The following ZNF112 variants were observed in gnomAD, a reference collection of about 807,000 sequenced individuals.
ZNF112 encodes zinc finger protein 112 (Y14).
In ZNF112, 37 loss-of-function variants were observed where a neutral mutation model predicts 77.7. That is an observed-to-expected ratio of 0.48 (90% confidence interval 0.37 to 0.63). The LOEUF (loss-of-function observed/expected upper bound fraction) is 0.63. Among genes scored for constraint, ZNF112 ranks in the 20% least tolerant of loss-of-function variants. The pLI is 0.00. For missense variants in ZNF112, 950 were observed against 1,077.4 expected, an observed-to-expected ratio of 0.88 and a Z score of 1.66; for synonymous variants, 333 against 363.6, an observed-to-expected ratio of 0.92 and a Z score of 0.96.
chr19:44,337,414 A>ATAATATATATTATATATATTTAATATAT (rs1455625918), intron 2 of ZNF112, among the ~76,000 whole-genome samples: 1 of 27,548 alleles, frequency 3.6e-5, no homozygotes, highest in African/African-American at 1.2e-4. Flanking sequence ...TTTTATATAT[A>ATAATATATATTATATATATTTAATATAT]ATAATATATA....
At chr19:44,333,033 T>C (rs577312456) in intron 3 of ZNF112, among the ~76,000 whole-genome samples, 1 of 152,324 alleles carries the variant, frequency 6.6e-6, no homozygotes, top group South Asian at 2.1e-4. Context: ...ATGGAGAAAC[T>C]AAGCATGACA....
chr19:44,361,274 T>C (rs771290601), upstream of ZNF112, among the ~76,000 whole-genome samples: 1 of 152,174 alleles, frequency 6.6e-6, no homozygotes, highest in Non-Finnish European at 1.5e-5. Flanking sequence ...GTGGGGTGTT[T>C]GCAATTCTAC....
At chr19:44,347,140 G>A (rs1015023227) in intron 1 of ZNF112, among the ~76,000 whole-genome samples, 7 of 151,712 alleles carry the variant, frequency 4.6e-5, no homozygotes, top group African/African-American at 7.3e-5. Flanking sequence ...ATGTCTACTC[G>A]GGGAACTGAC....
At chr19:44,330,106 AGGTT>A (rs1288241089) in intron 3 of ZNF112, among the ~76,000 whole-genome samples, 170 bp from the exon 4 acceptor site, 1 of 152,184 alleles carries the variant, frequency 6.6e-6, no homozygotes, top group Non-Finnish European at 1.5e-5. Flanking sequence ...TACCAGTTAC[AGGTT>A]GAGTATTCTC....
At position 44,352,170 on chromosome 19, in the gene ZNF112, A is replaced by G. The variant is rs539309080; in HGVS notation, c.-4+4456T>C. Among the ~76,000 whole-genome samples the G allele has an allele frequency of 6.6e-5, 10 of 152,224 alleles. No individual in the cohort carries two copies. In the South Asian group the frequency reaches 1.9e-3, roughly 28 times the overall value. Reference sequence around the variant, plus strand: ...AATCTTGATTGTGGTGGTGAAGTCTACATGACAATGCAATTGTCAAAACTC... The same window carrying G: ...AATCTTGATTGTGGTGGTGAAGTCTGCATGACAATGCAATTGTCAAAACTC... On this transcript the variant is annotated intron_variant, in intron 1 of 3. Coordinates refer to ENST00000354340, the MANE Select transcript of ZNF112 (RefSeq NM_013380.4).
At chr19:44,364,311 C>T (rs1223827314) in intron 1 of ZNF112, among the ~76,000 whole-genome samples, 1 of 152,168 alleles carries the variant, frequency 6.6e-6, no homozygotes, top group Non-Finnish European at 1.5e-5. Flanking sequence ...TGTCACACTT[C>T]TCCATGGGCT....
At chr19:44,337,257 T>C (rs1970386065) in intron 2 of ZNF112, among the ~76,000 whole-genome samples, 1 of 140,018 alleles carries the variant, frequency 7.1e-6, no homozygotes, top group Non-Finnish European at 1.5e-5. Context: ...ATATATTACA[T>C]ATATTTTTAT....
At chr19:44,347,684 C>T (rs1308687244) in intron 1 of ZNF112, among the ~76,000 whole-genome samples, 1 of 151,632 alleles carries the variant, frequency 6.6e-6, no homozygotes, top group African/African-American at 2.4e-5. Flanking sequence ...CCTTTATCTC[C>T]CCACTTTGTT....
chr19:44,339,953 A>C (rs1297619476), intron 2 of ZNF112, among the ~76,000 whole-genome samples: 2 of 152,176 alleles, frequency 1.3e-5, no homozygotes, highest in Non-Finnish European at 2.9e-5. Flanking sequence ...ATGTATGGAG[A>C]GGGAAAGAAC....
rs1266458912 is a variant in ZNF112, at chr19:44,340,471, CT to C, written c.68del (p.Gln23ArgfsTer8). On this transcript the variant is annotated frameshift_variant, in exon 2 of 4. Coordinates refer to ENST00000354340, the MANE Select transcript of ZNF112 (RefSeq NM_013380.4). LOFTEE classifies it high-confidence loss of function. The part of the protein sequence containing the change: ...EEELGLLDSV[Q>X]RKLYRDVMLE... ...GCATCACATCTCGGTACAGCTTCCTCTGGACAGAGTCCAGCAGCCCCAGCTC... is the reference window on the plus strand; with the variant it reads ...GCATCACATCTCGGTACAGCTTCCTCGGACAGAGTCCAGCAGCCCCAGCTC... 6.2e-7 allele frequency: 1 copy of C among 1,614,134 alleles called. No homozygotes were observed. Among genetic ancestry groups the C allele is most frequent in the East Asian group, 2.2e-5 (1 of 44,892 alleles).
At chr19:44,335,773 C>A (rs889569536) in intron 3 of ZNF112, among the ~76,000 whole-genome samples, 1 of 152,168 alleles carries the variant, frequency 6.6e-6, no homozygotes, top group Admixed American at 6.5e-5. Flanking sequence ...TGGAAACAAA[C>A]CATTATAGAA....
chr19:44,347,351 T>C (rs1970609351), intron 1 of ZNF112, among the ~76,000 whole-genome samples: 1 of 152,116 alleles, frequency 6.6e-6, no homozygotes, highest in Admixed American at 6.6e-5. Flanking sequence ...TTAATTGATG[T>C]ATTCAGGCCA....
intron 1 of ZNF112, among the ~76,000 whole-genome samples, chr19:44,353,460 C>T (rs942923413): frequency 6.6e-6 from 1 of 152,114 alleles, no homozygotes; most frequent in East Asian, 1.9e-4. Flanking sequence ...AGACAAGCTA[C>T]AGGCTGAGAA....
intron 1 of ZNF112, among the ~76,000 whole-genome samples, chr19:44,354,330 A>G (rs1324949982): frequency 3.9e-5 from 6 of 152,160 alleles, no homozygotes; most frequent in Admixed American, 6.5e-5. Context: ...AGAATTGTAT[A>G]CCAAAAATAA....
At chr19:44,359,102 G>T (rs897190320), upstream of ZNF112, among the ~76,000 whole-genome samples, 2 of 151,942 alleles carry the variant, frequency 1.3e-5, no homozygotes, top group African/African-American at 4.8e-5. Context: ...TCCTAACACT[G>T]CAGGGCCCTG....
rs1000386427 is a variant in ZNF112, at chr19:44,328,795, G to A, written c.1362C>T (p.Asp454=). 6.2e-7 allele frequency: 1 copy of A among 1,614,044 alleles called. No homozygotes were observed. Among genetic ancestry groups the A allele is most frequent in the South Asian group, 1.1e-5 (1 of 91,074 alleles). The change falls in exon 4 of 4, where the codon GAC becomes GAT. Residue 454 remains aspartate (D), a synonymous_variant. Transcript: ENST00000354340. The stretch of plus-strand genomic sequence containing the variant: ...GTTCCTTAGTGTGGACTATCTGAAG[G>A]TCCTGAAAATGTGAGGCCAGACTGA... The part of the protein sequence containing the change: ...NGFSLASHFQ[D]LQIVHTKEQP...
Position 44,343,327 on chromosome 19 carries a change from CG to C in ZNF112, c.-3-2786del, listed in dbSNP as rs201286678. On this transcript the variant is annotated intron_variant, in intron 1 of 3. Transcript: ENST00000354340. ...CCTGAGAAGGCAGAACAGGGTAATA[CG>C]AAAGAAGCCATGATTAAAAGGGAAA... 14 of 1,541,080 alleles carry C rather than the reference CG, an allele frequency of 9.1e-6. No homozygotes were observed. The Admixed American group carries it at 9.4e-5, about 10-fold the overall frequency.
chr19:44,359,315 C>CTTTTTTTTTTTTTTTTTTTTTT (rs767955186), upstream of ZNF112, among the ~76,000 whole-genome samples: 1 of 54,834 alleles, frequency 1.8e-5, no homozygotes, highest in African/African-American at 7.0e-5. Context: ...TATTAGAGTT[C>CTTTTTTTTTTTTTTTTTTTTTT]TTTTTTTTTT....
chr19:44,354,090 G>C (rs1185615976), intron 1 of ZNF112, among the ~76,000 whole-genome samples: 2 of 152,116 alleles, frequency 1.3e-5, no homozygotes, highest in Non-Finnish European at 1.5e-5. Flanking sequence ...AGAGCAATTT[G>C]CTGAGTAAAA....
Sources: allele counts gnomAD v4.1 joint callset (sites outside exome capture counted in the v4.1 genomes callset), GRCh38; gene constraint gnomAD v4.1.1; transcripts MANE v1.5; gene names NCBI Gene and HGNC (gene_info 2026-07-23, HGNC 2026-07-21).